The following DDX42 variants were observed in gnomAD, a reference collection of about 807,000 sequenced individuals.
DDX42 encodes ATP-dependent RNA helicase DDX42.
DDX42 carries 22 observed loss-of-function variants against 101.5 expected under a neutral mutation model. The ratio of observed to expected loss-of-function variants is 0.22; its 90% CI spans 0.15 to 0.31. The LOEUF (loss-of-function observed/expected upper bound fraction) is 0.31, where lower values mean the gene tolerates loss of function less well. DDX42 is among the 10% of genes least tolerant of loss of function. The pLI, the probability that DDX42 is intolerant of heterozygous loss-of-function variation, is 1.00. For synonymous variants in DDX42, 402 were observed against 401.2 expected (o/e 1.00, Z -0.02); for missense variants, 849 against 1,199.9 (o/e 0.71, Z 4.32).
At position 63,787,721 on chromosome 17, in the gene DDX42, C is replaced by T. The variant is rs551961169; in HGVS notation, c.221+451C>T. Among the ~76,000 whole-genome samples, 90 of 151,604 alleles carry T rather than the reference C, an allele frequency of 5.9e-4. No homozygotes were observed. In the East Asian group the frequency reaches 0.013, roughly 22 times the overall value. ...GGCGTGGTGGTGCACGCCTATAATC[C>T]CAACTACTCAGGAGGAGGCTGAGGC... On this transcript the variant is annotated intron_variant, in intron 2 of 17. Coordinates refer to ENST00000389924, the MANE Select transcript of DDX42 (RefSeq NM_203499.3).
intron 4 of DDX42, 51 bp downstream of exon 4, chr17:63,798,150 A>G (rs780385921): frequency 3.8e-6 from 6 of 1,563,026 alleles, no homozygotes; most frequent in South Asian, 1.1e-5. Flanking sequence ...CTGCTGAAGT[A>G]TTGCAAAGTC....
chr17:63,811,709 C>T (rs936957475), intron 13 of DDX42: 2 of 623,292 alleles, frequency 3.2e-6, no homozygotes, highest in African/African-American at 1.8e-5. Context: ...GAAAGCTCTA[C>T]AAAGTAGTGG....
At chr17:63,812,291 AGCAGGC>A in intron 14 of DDX42, 83 bp downstream of exon 14, 11 of 1,499,102 alleles carry the variant, frequency 7.3e-6, no homozygotes, top group Non-Finnish European at 2.7e-6. Flanking sequence ...ATAATATCTG[AGCAGGC>A]TGATGGAAAG....
At chr17:63,778,468 A>G (rs1315009101) in intron 1 of DDX42, among the ~76,000 whole-genome samples, 2 of 152,112 alleles carry the variant, frequency 1.3e-5, no homozygotes, top group Non-Finnish European at 2.9e-5. Context: ...GCTACCTGGA[A>G]TTACATGATT....
chr17:63,817,685 C>G lies in DDX42; in HGVS notation c.2113-9C>G, dbSNP rs780565711. On this transcript the variant is annotated splice_polypyrimidine_tract_variant and intron_variant, in intron 17 of 17. Transcript: ENST00000389924. ...TCTTACCTACTCCTGATGTCTCTTT[C>G]TCTTTCAGTCACAGTACAAGAGTCA... 1.9e-6 allele frequency: 3 copies of G among 1,610,088 alleles called. No individual in the cohort carries two copies. The highest frequency in any genetic ancestry group is 2.2e-5 in the East Asian group (1 of 44,772).
intron 2 of DDX42, 136 bp from the exon 3 acceptor site, chr17:63,792,276 G>C: frequency 1.1e-6 from 1 of 888,228 alleles, no homozygotes; most frequent in Non-Finnish European, 1.6e-6. Flanking sequence ...ATTAGCCAAA[G>C]CCTTGGAGGT....
chr17:63,809,694 C>T, intron 11 of DDX42, 35 bp downstream of exon 11: 6 of 1,531,106 alleles, frequency 3.9e-6, no homozygotes, highest in Non-Finnish European at 5.4e-6. Context: ...CTGTCCCCAT[C>T]CTCATGATAC....
chr17:63,818,745 C>A lies in DDX42; in HGVS notation c.*347C>A. On this transcript the variant is annotated 3_prime_UTR_variant, in exon 18 of 18. Transcript: ENST00000389924. ...CTTATATTTTTTACTAAGGTGTCACCTTATAAGCATCTATAAATTGACTTC... is the reference window on the plus strand; with the variant it reads ...CTTATATTTTTTACTAAGGTGTCACATTATAAGCATCTATAAATTGACTTC... 1 of 188,634 alleles carries A rather than the reference C, an allele frequency of 5.3e-6. No individual in the cohort carries two copies. The highest frequency in any genetic ancestry group is 1.1e-5 in the Non-Finnish European group (1 of 89,160). The allele number at this position is 188,634 out of a possible 1,614,324, so 11.7% of individuals were successfully genotyped here.
chr17:63,806,687 AG>A (rs771675415), intron 8 of DDX42, 33 bp downstream of exon 8: 1 of 1,588,066 alleles, frequency 6.3e-7, no homozygotes, highest in Non-Finnish European at 8.6e-7. Context: ...AAAATAAAGT[AG>A]GGTAGTCTTT....
At chr17:63,785,537 G>A (rs1179187678) in intron 1 of DDX42, among the ~76,000 whole-genome samples, 1 of 15,972 alleles carries the variant, frequency 6.3e-5, no homozygotes, top group African/African-American at 2.0e-3. Context: ...AGATGTGAGA[G>A]GGGGGGGTCT....
In DDX42 at chr17:63,813,574, C is replaced by T. The variant is rs2039938824; in HGVS notation, c.1902+120C>T. 6 of 787,926 alleles carry T rather than the reference C, an allele frequency of 7.6e-6. No homozygotes were observed. The Admixed American group carries it at 1.3e-4, about 18-fold the overall frequency. 48.8% of individuals were successfully genotyped at this position (787,926 alleles called of 1,614,324 possible). On this transcript the variant is annotated intron_variant, in intron 15 of 17. Coordinates refer to ENST00000389924, the MANE Select transcript of DDX42 (RefSeq NM_203499.3). ...GTTGGGTGGCTAGGAGGATGTGGGG[C>T]TTATGAGGTACAGATAGGAATTGTG...
chr17:63,814,675 CTTTTTT>C (rs58211962), intron 15 of DDX42, among the ~76,000 whole-genome samples: 75 of 90,456 alleles, frequency 8.3e-4, no homozygotes, highest in Admixed American at 1.6e-3. Flanking sequence ...GAGACATTTG[CTTTTTT>C]TTTTTTTTTT....
chr17:63,788,574 A>G (rs2584635), intron 2 of DDX42, among the ~76,000 whole-genome samples: 106,109 of 151,438 alleles, frequency 0.7, 38,630 homozygotes, highest in African/African-American at 0.92. Flanking sequence ...CCAAACTGCT[A>G]GGATTATACA....
chr17:63,817,362 T>TA (rs1206175171), intron 17 of DDX42: 1 of 329,388 alleles, frequency 3.0e-6, no homozygotes, highest in African/African-American at 2.1e-5. Context: ...CTGTCAAACT[T>TA]AAATTGCAGT....
chr17:63,779,511 G>C (rs560211379), intron 1 of DDX42, among the ~76,000 whole-genome samples: 1 of 152,122 alleles, frequency 6.6e-6, no homozygotes, highest in East Asian at 1.9e-4. Flanking sequence ...CCATCCTCCT[G>C]CCTTGGCTTC....
rs903941423 is a variant in DDX42 at position 63,818,069 on chromosome 17, G to A, written c.2488G>A (p.Asp830Asn). ...SHGETGNRHS[D>N]SPRHGDGGRH... ...CGGAGAGACTGGCAATCGGCATAGC[G>A]ATAGTCCACGTCACGGAGATGGTGG... Residue 830 changes from aspartate to asparagine, a missense_variant, in exon 18 of 18, where the codon GAT (aspartate) becomes AAT (asparagine). Physicochemically the swap from Asp to Asn is conservative, Grantham distance 23. Around this residue, in one of 5 missense-constraint regions of DDX42, gnomAD observed 300 missense variants for 304.9 expected, o/e 0.98. Transcript: ENST00000389924. 5.0e-6 allele frequency: 8 copies of A among 1,613,836 alleles called. No individual in the cohort carries two copies. Among genetic ancestry groups the A allele is most frequent in the Admixed American group, 3.3e-5 (2 of 59,988 alleles).
intron 12 of DDX42, 44 bp from the exon 13 acceptor site, chr17:63,811,032 A>G (rs754673934): frequency 5.5e-5 from 85 of 1,549,084 alleles, no homozygotes; most frequent in Non-Finnish European, 7.5e-5. Flanking sequence ...GTATGCATAA[A>G]GATATCATAT....
intron 6 of DDX42, among the ~76,000 whole-genome samples, chr17:63,804,017 G>A (rs1178476774): frequency 1.3e-5 from 2 of 152,052 alleles, no homozygotes; most frequent in Non-Finnish European, 2.9e-5. Context: ...TATAGTAGGA[G>A]CTATTTAAGT....
intron 16 of DDX42, chr17:63,816,631 C>G: frequency 2.8e-6 from 1 of 361,928 alleles, no homozygotes; most frequent in South Asian, 5.8e-5. Flanking sequence ...TGGGCATAAT[C>G]TGATTGCATT....
Sources: gnomAD v4.1 joint callset for allele counts (sites outside exome capture counted in the v4.1 genomes callset) on GRCh38, gnomAD v4.1.1 for gene constraint, gnomAD v4.1.1 regional missense constraint, MANE v1.5 for transcripts, NCBI Gene and HGNC (gene_info 2026-07-23, HGNC 2026-07-21) for gene names.